The following GPC6 variants were observed in gnomAD, a reference collection of about 807,000 sequenced individuals.
GPC6 encodes the protein glypican 6.
GPC6 carries 14 observed loss-of-function variants against 55.2 expected under a neutral mutation model. That is an observed-to-expected ratio of 0.25 (90% confidence interval 0.17 to 0.40). The LOEUF (loss-of-function observed/expected upper bound fraction) is 0.40, where lower values mean the gene tolerates loss of function less well. Ranked by LOEUF, GPC6 falls within the 10% of genes least tolerant of loss-of-function variation. GPC6 has a pLI of 1.00. For synonymous variants in GPC6, 278 were observed against 259.6 expected (o/e 1.07, Z -0.68); for missense variants, 641 against 708.5 (o/e 0.90, Z 1.08).
chr13:93,630,956 C>G (rs1285365896), intron 2 of GPC6, among the ~76,000 whole-genome samples: 1 of 151,890 alleles, frequency 6.6e-6, no homozygotes, highest in Non-Finnish European at 1.5e-5. Context: ...TAGAGTGGGC[C>G]CTAATCCAAT....
At chr13:93,662,038 C>A (rs574337651) in intron 2 of GPC6, among the ~76,000 whole-genome samples, 2 of 152,264 alleles carry the variant, frequency 1.3e-5, no homozygotes, top group South Asian at 2.1e-4. Context: ...TTCAGAAAGA[C>A]AACCTTGTAT....
chr13:93,579,360 C>T (rs1327346618), intron 2 of GPC6, among the ~76,000 whole-genome samples: 2 of 151,634 alleles, frequency 1.3e-5, no homozygotes, highest in Non-Finnish European at 2.9e-5. Flanking sequence ...AAAATATTGA[C>T]ATCTGTTATG....
At chr13:93,870,366 A>G (rs933694646) in intron 3 of GPC6, among the ~76,000 whole-genome samples, 3 of 151,924 alleles carry the variant, frequency 2.0e-5, no homozygotes, top group Non-Finnish European at 2.9e-5. Flanking sequence ...AAAAAGTATT[A>G]CTACTATTTT....
intron 3 of GPC6, among the ~76,000 whole-genome samples, chr13:94,003,192 T>A (rs1881880087): frequency 6.6e-6 from 1 of 152,128 alleles, no homozygotes; most frequent in Admixed American, 6.6e-5. Context: ...CTCCAGTCAA[T>A]AAAGTATAAT....
intron 4 of GPC6, among the ~76,000 whole-genome samples, chr13:94,032,560 TTTTA>T (rs1883182599): frequency 6.6e-6 from 1 of 152,170 alleles, no homozygotes; most frequent in East Asian, 1.9e-4. Flanking sequence ...TGCTCGTTTG[TTTTA>T]TTTTTGACAT....
chr13:93,650,803 G>A (rs1392809238), intron 2 of GPC6, among the ~76,000 whole-genome samples: 2 of 152,116 alleles, frequency 1.3e-5, no homozygotes, highest in African/African-American at 4.8e-5. Flanking sequence ...TATAAAAGAT[G>A]CACAAGTGCA....
intron 6 of GPC6, among the ~76,000 whole-genome samples, chr13:94,373,143 A>G (rs1879664619): frequency 6.6e-6 from 1 of 152,230 alleles, no homozygotes; most frequent in African/African-American, 2.4e-5. Flanking sequence ...TGGAAACTCT[A>G]AAAAGCAGAG....
At chr13:93,406,331 G>T (rs944685056) in intron 1 of GPC6, among the ~76,000 whole-genome samples, 3 of 152,068 alleles carry the variant, frequency 2.0e-5, no homozygotes, top group Non-Finnish European at 4.4e-5. Context: ...AGTCAGAACT[G>T]CCACAAGAAA....
At chr13:93,513,640 T>C (rs1183779972) in intron 1 of GPC6, among the ~76,000 whole-genome samples, 1 of 152,218 alleles carries the variant, frequency 6.6e-6, no homozygotes, top group Non-Finnish European at 1.5e-5. Context: ...CAATAACTCC[T>C]CCTGCCCTTT....
intron 1 of GPC6, among the ~76,000 whole-genome samples, chr13:93,542,694 T>A (rs1882367939): frequency 6.6e-6 from 1 of 152,206 alleles, no homozygotes; most frequent in Admixed American, 6.5e-5. Flanking sequence ...TTCTCTTTTA[T>A]TTTATTGAGC....
intron 6 of GPC6, among the ~76,000 whole-genome samples, chr13:94,365,796 G>A (rs1281017967): frequency 6.6e-6 from 1 of 152,184 alleles, no homozygotes; most frequent in Non-Finnish European, 1.5e-5. Flanking sequence ...CCACTCTTGG[G>A]TGAGCAAAAG....
At chr13:93,712,953 C>T (rs1040286194) in intron 2 of GPC6, among the ~76,000 whole-genome samples, 2 of 151,276 alleles carry the variant, frequency 1.3e-5, no homozygotes, top group East Asian at 3.9e-4. Context: ...AAGTAGGCAA[C>T]ATACAGAATG....
intron 1 of GPC6, among the ~76,000 whole-genome samples, chr13:93,454,369 C>T (rs1479921947): frequency 8.7e-6 from 1 of 114,544 alleles, no homozygotes; most frequent in Non-Finnish European, 2.0e-5. Flanking sequence ...TCGATTGGTG[C>T]ACTCACAAAC....
At chr13:93,219,432 A>G in the GPC6 span, among the ~76,000 whole-genome samples, 1 of 152,294 alleles carries the variant, frequency 6.6e-6, no homozygotes, top group African/African-American at 2.4e-5. Context: ...AGTCATTTTT[A>G]TGGCTTCTAA....
chr13:94,281,573 AT>A (rs1892383709), intron 4 of GPC6, among the ~76,000 whole-genome samples: 1 of 152,194 alleles, frequency 6.6e-6, no homozygotes, highest in Non-Finnish European at 1.5e-5. Context: ...TGTATGTATA[AT>A]CATATTGAGT....
At chr13:94,166,169 G>C (rs558716709) in intron 4 of GPC6, among the ~76,000 whole-genome samples, 1 of 152,082 alleles carries the variant, frequency 6.6e-6, no homozygotes. Flanking sequence ...CTTGGTTATC[G>C]TCATCCCATG....
At chr13:93,849,158 G>A (rs551062072) in intron 3 of GPC6, among the ~76,000 whole-genome samples, 20 of 152,182 alleles carry the variant, frequency 1.3e-4, no homozygotes, top group African/African-American at 3.9e-4. Flanking sequence ...TATGGTAGAC[G>A]TTGAATAAAT....
intron 3 of GPC6, among the ~76,000 whole-genome samples, chr13:93,855,608 T>A (rs1377385215): frequency 6.6e-6 from 1 of 151,664 alleles, no homozygotes; most frequent in East Asian, 1.9e-4. Flanking sequence ...TCTTCCAAAG[T>A]GGCTATACCA....
chr13:93,268,047 A>G (rs1486928689), intron 1 of GPC6, among the ~76,000 whole-genome samples: 1 of 152,204 alleles, frequency 6.6e-6, no homozygotes, highest in East Asian at 1.9e-4. Context: ...ATCCATTTTG[A>G]TCTAAAAATA....
Sources: allele counts gnomAD v4.1 joint callset (sites outside exome capture counted in the v4.1 genomes callset), GRCh38; gene constraint gnomAD v4.1.1; transcripts MANE v1.5; gene names NCBI Gene and HGNC (gene_info 2026-07-23, HGNC 2026-07-21).